The following VIT variants were observed in gnomAD, a reference collection of about 807,000 sequenced individuals.
VIT encodes vitrin.
A neutral mutation model predicts 78.0 loss-of-function variants in VIT; 99 were observed. The ratio of observed to expected loss-of-function variants is 1.27; its 90% CI spans 1.08 to 1.50. The LOEUF is 1.50. Ranked by LOEUF, VIT falls within the 40% of genes most tolerant of loss-of-function variation. The pLI is 0.00. For synonymous variants in VIT, 374 were observed against 334.3 expected (o/e 1.12, Z -1.29); for missense variants, 1,126 against 875.3 (o/e 1.29, Z -3.61).
chr2:36,706,471 A>G (rs1221842605), intron 1 of VIT, among the ~76,000 whole-genome samples: 1 of 152,188 alleles, frequency 6.6e-6, no homozygotes, highest in Admixed American at 6.5e-5. Context: ...GAACCTGGAA[A>G]GTGGTGAGAA....
chr2:36,698,350 C>A (rs1487983494), intron 1 of VIT, among the ~76,000 whole-genome samples: 1 of 152,152 alleles, frequency 6.6e-6, no homozygotes, highest in Non-Finnish European at 1.5e-5. Context: ...AGAATAGTTT[C>A]TTTCAGAGAA....
At chr2:36,715,483 C>T (rs1666068159) in intron 1 of VIT, among the ~76,000 whole-genome samples, 1 of 151,508 alleles carries the variant, frequency 6.6e-6, no homozygotes, top group African/African-American at 2.4e-5. Context: ...TTGTAGTGAG[C>T]CGAGATCACA....
intron 6 of VIT, among the ~76,000 whole-genome samples, chr2:36,761,715 G>A (rs1669133127): frequency 6.6e-6 from 1 of 152,074 alleles, no homozygotes; most frequent in South Asian, 2.1e-4. Context: ...ACTCCAGCCT[G>A]GGTGACAGAA....
chr2:36,718,702 T>G (rs1573140714), intron 2 of VIT, among the ~76,000 whole-genome samples: 1 of 152,304 alleles, frequency 6.6e-6, no homozygotes, highest in East Asian at 1.9e-4. Flanking sequence ...GAGGAACTTC[T>G]AGGTACCTGG....
chr2:36,739,876 G>C (rs978386626), intron 3 of VIT, among the ~76,000 whole-genome samples: 1 of 152,116 alleles, frequency 6.6e-6, no homozygotes, highest in Non-Finnish European at 1.5e-5. Context: ...CCTCACGGAC[G>C]CTAGCAACTG....
At chr2:36,789,458 T>C (rs974243697) in intron 12 of VIT, among the ~76,000 whole-genome samples, 5 of 152,146 alleles carry the variant, frequency 3.3e-5, no homozygotes, top group Non-Finnish European at 5.9e-5. Flanking sequence ...GGGTGATCAA[T>C]GACGAATTGA....
At chr2:36,812,461 A>G (rs1322219546) in intron 15 of VIT, among the ~76,000 whole-genome samples, 1 of 152,126 alleles carries the variant, frequency 6.6e-6, no homozygotes, top group Non-Finnish European at 1.5e-5. Flanking sequence ...CCAGCTGTCC[A>G]CAACCCAAAT....
At position 36,754,904 on chromosome 2, in the gene VIT, A is replaced by T. The variant is rs374416592; in HGVS notation, c.276-17A>T. The stretch of plus-strand genomic sequence containing the variant: ...TATTTCTGTTCTTTCCTGAAAAATT[A>T]TTTTTTCTCTTCATAGTGGTGTGCT... On this transcript the variant is annotated splice_polypyrimidine_tract_variant and intron_variant, in intron 4 of 15. Coordinates refer to ENST00000379242, the MANE Select transcript of VIT (RefSeq NM_053276.4). 10 of 1,599,486 alleles carry T rather than the reference A, an allele frequency of 6.3e-6. No homozygotes were observed. In the African/African-American group the frequency reaches 1.4e-4, roughly 22 times the overall value.
intron 15 of VIT, among the ~76,000 whole-genome samples, chr2:36,813,896 A>T (rs139593684): frequency 4.0e-4 from 61 of 152,230 alleles, no homozygotes; most frequent in African/African-American, 1.4e-3. Context: ...CATTTTGTTC[A>T]TTGTTTCCTA....
At chr2:36,794,003 T>G (rs1294922962) in intron 12 of VIT, among the ~76,000 whole-genome samples, 2 of 152,226 alleles carry the variant, frequency 1.3e-5, no homozygotes, top group Admixed American at 6.5e-5. Flanking sequence ...GTTTAGTAAG[T>G]GCCTTAGGTG....
chr2:36,813,490 A>T (rs901836916), intron 15 of VIT, among the ~76,000 whole-genome samples: 1 of 152,116 alleles, frequency 6.6e-6, no homozygotes, highest in African/African-American at 2.4e-5. Context: ...TTTCATGTTC[A>T]TCTTACATGA....
Position 36,801,382 on chromosome 2 carries a change from G to C in VIT, c.1140G>C (p.Gln380His). 6.2e-7 allele frequency: 1 copy of C among 1,613,664 alleles called. No individual in the cohort carries two copies. The highest frequency in any genetic ancestry group is 8.5e-7 in the Non-Finnish European group (1 of 1,179,732). The part of the protein sequence containing the change: ...DLKTAIEKIT[Q>H]RGGLSNVGRA... Reference sequence around the variant, plus strand: ...AGACAGCCATAGAGAAAATTACTCAGAGAGGAGGACTTTCTAATGTAGGTA... The same window carrying C: ...AGACAGCCATAGAGAAAATTACTCACAGAGGAGGACTTTCTAATGTAGGTA... The change falls in exon 13 of 16, where the codon CAG becomes CAC. Residue 380 changes from glutamine to histidine, a missense_variant. By Grantham distance (24) the Gln-to-His change is conservative. Coordinates refer to ENST00000379242, the MANE Select transcript of VIT (RefSeq NM_053276.4).
intron 12 of VIT, among the ~76,000 whole-genome samples, chr2:36,793,754 A>C (rs183805108): frequency 6.6e-6 from 1 of 152,192 alleles, no homozygotes; most frequent in Non-Finnish European, 1.5e-5. Context: ...AATTATGATT[A>C]GTTAATATTT....
intron 6 of VIT, among the ~76,000 whole-genome samples, chr2:36,763,091 G>C (rs1669218602): frequency 6.6e-6 from 1 of 152,228 alleles, no homozygotes; most frequent in Non-Finnish European, 1.5e-5. Flanking sequence ...AGGCTACTGA[G>C]CTAGCATGGG....
At chr2:36,726,351 T>TAA (rs1666843720) in intron 2 of VIT, among the ~76,000 whole-genome samples, 3 of 152,230 alleles carry the variant, frequency 2.0e-5, no homozygotes, top group Non-Finnish European at 4.4e-5. Context: ...TATTGAACAT[T>TAA]GTAAAAAACA....
intron 1 of VIT, among the ~76,000 whole-genome samples, chr2:36,707,370 C>A (rs6713326): frequency 0.18 from 26,858 of 152,076 alleles, 2,807 homozygotes; most frequent in Non-Finnish European, 0.24. Context: ...CAACAACCTG[C>A]CCCCTTGTTC....
In VIT at chr2:36,743,221, A is replaced by G. The variant is rs1667941909; in HGVS notation, c.240A>G (p.Ala80=). The G allele has an allele frequency of 6.2e-7, 1 of 1,613,936 alleles. No homozygotes were observed. The highest frequency in any genetic ancestry group is 8.5e-7 in the Non-Finnish European group (1 of 1,179,942). ...KYHVYGTDVY[A]SYSSVCGAAV... is the part of the protein sequence containing the mutation. Reference sequence around the variant, plus strand: ...ATGTTTATGGCACTGACGTGTATGCATCCTACTCCAGTGTGTGTGGCGCTG... The same window carrying G: ...ATGTTTATGGCACTGACGTGTATGCGTCCTACTCCAGTGTGTGTGGCGCTG... The change falls in exon 4 of 16, where the codon GCA becomes GCG. Residue 80 remains alanine, a synonymous_variant. Transcript: ENST00000379242.
chr2:36,737,472 A>T lies in VIT; in HGVS notation c.119-5628A>T, dbSNP rs562479786. Among the ~76,000 whole-genome samples the T allele has an allele frequency of 1.3e-3, 203 of 152,340 alleles. 1 individual carries two copies. The Middle Eastern group carries it at 0.02, about 15-fold the overall frequency. ...ACACGATATTCTCCACAGGCAGTAGAGCTACATTCTGAAATATTTCCATTT... is the reference window on the plus strand; with the variant it reads ...ACACGATATTCTCCACAGGCAGTAGTGCTACATTCTGAAATATTTCCATTT... On this transcript the variant is annotated intron_variant, in intron 3 of 15. Coordinates refer to ENST00000379242, the MANE Select transcript of VIT (RefSeq NM_053276.4).
In VIT at chr2:36,767,632, T is replaced by C. The variant is rs139382426; in HGVS notation, c.679+347T>C. Among the ~76,000 whole-genome samples the C allele has an allele frequency of 2.2e-3, 331 of 152,344 alleles. 4 individuals are homozygous for C. Among genetic ancestry groups the C allele is most frequent in the African/African-American group, 7.6e-3 (316 of 41,582 alleles). On this transcript the variant is annotated intron_variant, in intron 7 of 15. Coordinates refer to ENST00000379242, the MANE Select transcript of VIT (RefSeq NM_053276.4). ...GACAAATGGTACAGACTTGGAAGTC[T>C]TCAAATATTAAAAGCAAACAAAACC...
Sources: allele counts gnomAD v4.1 joint callset (sites outside exome capture counted in the v4.1 genomes callset), GRCh38; gene constraint gnomAD v4.1.1; transcripts MANE v1.5; gene names NCBI Gene and HGNC (gene_info 2026-07-23, HGNC 2026-07-21).